Variants in NUP160 observed in about 807,000 individuals in gnomAD.
NUP160 encodes the protein nucleoporin 160, also known as nuclear pore complex protein Nup160.
Under a neutral mutation model 196.9 loss-of-function variants are expected in NUP160, and 94 were observed. That is an observed-to-expected ratio of 0.48 (90% CI 0.40 to 0.57). The LOEUF (loss-of-function observed/expected upper bound fraction) is 0.57, where lower values mean the gene tolerates loss of function less well. Among genes scored for constraint, NUP160 ranks in the 20% least tolerant of loss-of-function variants. The pLI is 0.00. For synonymous variants in NUP160, 605 were observed against 619.7 expected (o/e 0.98, Z 0.35); for missense variants, 1,638 against 1,748.3 (o/e 0.94, Z 1.13).
chr11:47,796,299 T>G (rs2097670884), intron 27 of NUP160: 1 of 690,100 alleles, frequency 1.4e-6, no homozygotes, highest in Non-Finnish European at 2.7e-6. Flanking sequence ...TTACCAAAAA[T>G]CAAAGCTATT....
At chr11:47,799,408 A>G (rs543767553) in intron 23 of NUP160, among the ~76,000 whole-genome samples, 1 of 151,808 alleles carries the variant, frequency 6.6e-6, no homozygotes, top group Admixed American at 6.6e-5. Flanking sequence ...TTGATTGTCC[A>G]CCCTGTCAAC....
At chr11:47,787,582 A>G (rs1224628764) in intron 31 of NUP160, among the ~76,000 whole-genome samples, 1 of 151,204 alleles carries the variant, frequency 6.6e-6, no homozygotes, top group East Asian at 1.9e-4. Flanking sequence ...GTTGTGTGCC[A>G]CACCCTCATT....
At chr11:47,821,793 G>A in exon 9 of NUP160, 1 of 1,614,072 alleles carries the variant, frequency 6.2e-7, no homozygotes, top group Non-Finnish European at 8.5e-7. Context: ...GATATCCGTG[G>A]AAGTTAAGGC....
intron 7 of NUP160, among the ~76,000 whole-genome samples, chr11:47,831,882 T>C (rs1383893614): frequency 7.9e-6 from 1 of 127,122 alleles, no homozygotes; most frequent in Non-Finnish European, 1.6e-5. Flanking sequence ...ACAGATCTGA[T>C]CTAATAAATT....
intron 2 of NUP160, chr11:47,841,533 T>A (rs1852297418): frequency 1.2e-5 from 5 of 426,698 alleles, no homozygotes; most frequent in South Asian, 8.7e-5. Context: ...TGGTCCAACA[T>A]GTGAGCTGAA....
chr11:47,825,431 C>T (rs949467420), intron 7 of NUP160, among the ~76,000 whole-genome samples: 1 of 150,690 alleles, frequency 6.6e-6, no homozygotes, highest in Non-Finnish European at 1.5e-5. Context: ...AGGTCCCCAC[C>T]ACCATGCCCA....
chr11:47,815,083 T>C (rs1023209008), intron 13 of NUP160: 1 of 152,542 alleles, frequency 6.6e-6, no homozygotes, highest in Non-Finnish European at 1.5e-5. Flanking sequence ...ATACAAAAAT[T>C]AGCCGGGTGT....
chr11:47,814,376 C>G (rs2097683042), intron 13 of NUP160, among the ~76,000 whole-genome samples: 1 of 151,706 alleles, frequency 6.6e-6, no homozygotes, highest in African/African-American at 2.4e-5. Flanking sequence ...AACTCCGTCT[C>G]TATTAAAAAT....
intron 24 of NUP160, 43 bp downstream of exon 24, chr11:47,798,325 A>C: frequency 3.2e-6 from 5 of 1,549,090 alleles, no homozygotes; most frequent in Non-Finnish European, 3.6e-6. Context: ...CCACACCCAC[A>C]ACAAACCTTA....
At chr11:47,779,542 AT>A in intron 35 of NUP160, 1 of 518,952 alleles carries the variant, frequency 1.9e-6, no homozygotes, top group Admixed American at 2.0e-5. Context: ...TAGAACTAAT[AT>A]TTTAGATAGG....
chr11:47,780,106 C>T (rs572436659), intron 35 of NUP160, among the ~76,000 whole-genome samples: 12 of 152,214 alleles, frequency 7.9e-5, no homozygotes, highest in Admixed American at 2.6e-4. Context: ...AAGGATGGAC[C>T]GACTGCTTGC....
chr11:47,838,533 C>T (rs1012617608), intron 4 of NUP160, among the ~76,000 whole-genome samples: 8 of 151,964 alleles, frequency 5.3e-5, no homozygotes, highest in African/African-American at 1.7e-4. Flanking sequence ...TGTGGCAAAA[C>T]CCCATCTCTA....
At chr11:47,826,157 A>T (rs1452709525) in intron 7 of NUP160, among the ~76,000 whole-genome samples, 1 of 152,132 alleles carries the variant, frequency 6.6e-6, no homozygotes, top group Non-Finnish European at 1.5e-5. Flanking sequence ...CAAACAAACA[A>T]ACAAACAAAC....
chr11:47,812,304 G>C, exon 16 of NUP160: 1 of 1,613,788 alleles, frequency 6.2e-7, no homozygotes, highest in South Asian at 1.1e-5. Flanking sequence ...TCATTTACCT[G>C]GATTGAATCC....
At chr11:47,809,357 T>C (rs1052857887) in intron 17 of NUP160, among the ~76,000 whole-genome samples, 1 of 151,874 alleles carries the variant, frequency 6.6e-6, no homozygotes, top group Non-Finnish European at 1.5e-5. Context: ...ACCATTATTA[T>C]AAGCAAATTT....
At chr11:47,838,056 G>A (rs1852211304) in intron 4 of NUP160, among the ~76,000 whole-genome samples, 1 of 152,162 alleles carries the variant, frequency 6.6e-6, no homozygotes, top group Admixed American at 6.5e-5. Flanking sequence ...TAAGTAGAAT[G>A]GTAGTAAGTC....
intron 21 of NUP160, 74 bp from the exon 22 acceptor site, chr11:47,803,610 C>A: frequency 1.2e-6 from 1 of 820,772 alleles, no homozygotes; most frequent in Non-Finnish European, 2.1e-6. Context: ...CCAAGTTATT[C>A]GTCACAGAGG....
chr11:47,803,485 G>GACAGGA, exon 22 of NUP160: 1 of 1,612,326 alleles, frequency 6.2e-7, no homozygotes, highest in Non-Finnish European at 8.5e-7. Flanking sequence ...AGCATAAATC[G>GACAGGA]ACAGGAACCA....
chr11:47,839,711 A>T (rs1217328446), intron 4 of NUP160, 132 bp downstream of exon 4: 1 of 758,240 alleles, frequency 1.3e-6, no homozygotes. Context: ...GGGACTCATT[A>T]GGCAAGCAAT....
Sources: allele counts gnomAD v4.1 joint callset (sites outside exome capture counted in the v4.1 genomes callset), GRCh38; gene constraint gnomAD v4.1.1; transcripts MANE v1.5; gene names NCBI Gene and HGNC (gene_info 2026-07-23, HGNC 2026-07-21).